GARIN2: variants seen among roughly 807,000 people sequenced by gnomAD.
GARIN2 encodes golgi associated RAB2 interactor family member 2.
the GARIN2 span, among the ~76,000 whole-genome samples, chr14:67,194,385 A>G: frequency 6.6e-6 from 1 of 151,850 alleles, no homozygotes; most frequent in South Asian, 2.1e-4. Flanking sequence ...GAGTGAACCT[A>G]GTAAATAGTT....
chr14:67,190,692 G>A, the GARIN2 span, among the ~76,000 whole-genome samples: 354 of 152,204 alleles, frequency 2.3e-3, no homozygotes, highest in African/African-American at 8.3e-3. Flanking sequence ...TGAAAGGTTG[G>A]GCATGGGGAT....
chr14:67,224,160 A>G, the GARIN2 span, among the ~76,000 whole-genome samples: 12 of 152,204 alleles, frequency 7.9e-5, no homozygotes, highest in Non-Finnish European at 1.6e-4. Flanking sequence ...TTTGGGATAA[A>G]GTGGCACTTC....
chr14:67,200,195 T>C, the GARIN2 span: 5 of 1,142,272 alleles, frequency 4.4e-6, no homozygotes, highest in African/African-American at 1.6e-5. Flanking sequence ...CTTCCTCCAC[T>C]GATGCCCCCC....
chr14:67,202,312 G>T, the GARIN2 span, among the ~76,000 whole-genome samples: 2 of 152,110 alleles, frequency 1.3e-5, no homozygotes, highest in African/African-American at 2.4e-5. Context: ...TTGGTGGCAT[G>T]TGCCTGTAAT....
the GARIN2 span, among the ~76,000 whole-genome samples, chr14:67,206,188 CACAAA>C: frequency 6.6e-6 from 1 of 151,712 alleles, no homozygotes; most frequent in Non-Finnish European, 1.5e-5. Context: ...TCTCAAAAAA[CACAAA>C]ACAAAAGAAA....
At chr14:67,216,737 G>C in the GARIN2 span, among the ~76,000 whole-genome samples, 1 of 151,914 alleles carries the variant, frequency 6.6e-6, no homozygotes, top group Admixed American at 6.6e-5. Flanking sequence ...TTGATTTCTA[G>C]TTTTATTCCA....
At chr14:67,211,817 C>T in the GARIN2 span, among the ~76,000 whole-genome samples, 3 of 152,024 alleles carry the variant, frequency 2.0e-5, no homozygotes, top group Admixed American at 1.3e-4. Context: ...GCACTCCAGC[C>T]CGGGTGATGG....
chr14:67,203,342 A>T, the GARIN2 span: 1 of 1,431,592 alleles, frequency 7.0e-7, no homozygotes, highest in Non-Finnish European at 9.4e-7. Context: ...GATGTGCATT[A>T]GCCCTGTGGA....
At chr14:67,220,811 CA>C in the GARIN2 span, among the ~76,000 whole-genome samples, 2 of 152,136 alleles carry the variant, frequency 1.3e-5, no homozygotes, top group Non-Finnish European at 2.9e-5. Flanking sequence ...TGAATATTTG[CA>C]AACTGTATAG....
At chr14:67,199,777 T>C in the GARIN2 span, 1 of 1,530,630 alleles carries the variant, frequency 6.5e-7, no homozygotes, top group East Asian at 2.3e-5. Flanking sequence ...GCATGCCTCC[T>C]CCTGGCTCCT....
At chr14:67,225,361 A>G in the GARIN2 span, 11 of 750,254 alleles carry the variant, frequency 1.5e-5, no homozygotes, top group African/African-American at 1.8e-4. Context: ...TTAACATTAA[A>G]TCTTATTCTA....
the GARIN2 span, among the ~76,000 whole-genome samples, chr14:67,223,027 T>G: frequency 5.9e-5 from 7 of 117,654 alleles, no homozygotes. Flanking sequence ...TGAGATGGGG[T>G]CTCCCTCTTT....
At chr14:67,221,846 C>G in the GARIN2 span, 4 of 1,607,838 alleles carry the variant, frequency 2.5e-6, no homozygotes, top group Non-Finnish European at 3.4e-6. Context: ...ATTGTGATCC[C>G]TGGTATTCAG....
the GARIN2 span, chr14:67,200,280 C>T: frequency 4.1e-6 from 3 of 736,588 alleles, no homozygotes; most frequent in Non-Finnish European, 6.8e-6. Context: ...CACTCCCCAG[C>T]CACCAGTTGC....
chr14:67,199,793 C>T, the GARIN2 span: 2 of 1,519,512 alleles, frequency 1.3e-6, no homozygotes, highest in East Asian at 4.5e-5. Flanking sequence ...CTCCTTCCCA[C>T]CCCCAGTGCT....
At chr14:67,199,079 C>T in the GARIN2 span, 1 of 957,426 alleles carries the variant, frequency 1.0e-6, no homozygotes, top group Non-Finnish European at 1.7e-6. Flanking sequence ...CCAGGCCGAT[C>T]TCCGAGCGGA....
At chr14:67,209,901 T>A in the GARIN2 span, among the ~76,000 whole-genome samples, 1 of 150,646 alleles carries the variant, frequency 6.6e-6, no homozygotes, top group Non-Finnish European at 1.5e-5. Flanking sequence ...TTGTAAGGGA[T>A]CCAATTAACA....
At chr14:67,199,527 T>G in the GARIN2 span, 5 of 1,611,512 alleles carry the variant, frequency 3.1e-6, no homozygotes, top group Non-Finnish European at 4.2e-6. Flanking sequence ...GATGCTTCAG[T>G]TGCAGCAATT....
the GARIN2 span, among the ~76,000 whole-genome samples, chr14:67,213,787 T>A: frequency 6.6e-6 from 1 of 152,236 alleles, no homozygotes; most frequent in Admixed American, 6.5e-5. Context: ...ACCAATAGTG[T>A]AAAAGTGTTC....
Sources: allele counts gnomAD v4.1 joint callset (sites outside exome capture counted in the v4.1 genomes callset), GRCh38; gene constraint gnomAD v4.1.1; transcripts MANE v1.5; gene names NCBI Gene and HGNC (gene_info 2026-07-23, HGNC 2026-07-21).